The following AGT variants were observed in gnomAD, a reference collection of about 807,000 sequenced individuals.
AGT encodes alpha-1 antiproteinase, antitrypsin.
Under a neutral mutation model 28.1 loss-of-function variants are expected in AGT, and 26 were observed. The ratio of observed to expected loss-of-function variants is 0.92; its 90% CI spans 0.68 to 1.28. AGT has a LOEUF of 1.28. Among genes scored for constraint, AGT ranks in the 50% most tolerant of loss-of-function variants. The pLI is 0.00. For missense variants in AGT, 596 were observed against 592.3 expected (o/e 1.01, Z -0.06); for synonymous variants, 259 against 259.6 (o/e 1.00, Z 0.02).
At chr1:230,726,953 A>G (rs994438054) in intron 1 of AGT, among the ~76,000 whole-genome samples, 3 of 152,198 alleles carry the variant, frequency 2.0e-5, no homozygotes, top group Admixed American at 1.3e-4. Context: ...CGAATAAAGA[A>G]TTTGGATAAA....
Position 230,704,236 on chromosome 1 carries a change from A to G in AGT, c.1199T>C (p.Leu400Pro), listed in dbSNP as rs199817559. Residue 400 changes from leucine to proline, a missense_variant, in exon 4 of 5, where the codon CTG becomes CCG. Transcript: ENST00000366667. ...GTCATTGCTCAATTTTTGCAGGTTCAGCTCGGTGTGCAGAATGGCGGGCAG... is the reference window on the plus strand; with the variant it reads ...GTCATTGCTCAATTTTTGCAGGTTCGGCTCGGTGTGCAGAATGGCGGGCAG... ...AELPAILHTE[L>P]NLQKLSNDRI... The G allele has an allele frequency of 3.1e-6, 5 of 1,614,254 alleles. No individual in the cohort carries two copies. The African/African-American group carries it at 6.7e-5, about 22-fold the overall frequency.
rs148883389 is a variant in AGT, at chr1:230,707,331, G to C, written c.830-1131C>G. ...CTGCGGTTGTTCTTAGGAGAATAGGGTGAAGTTGTGTATAAGTTTGTCACA... is the reference window on the plus strand; with the variant it reads ...CTGCGGTTGTTCTTAGGAGAATAGGCTGAAGTTGTGTATAAGTTTGTCACA... On this transcript the variant is annotated intron_variant, in intron 2 of 4. Coordinates refer to ENST00000366667, the MANE Select transcript of AGT (RefSeq NM_001384479.1). 4.6e-5 allele frequency among the ~76,000 whole-genome samples: 7 copies of C among 152,350 alleles called. No homozygotes were observed. In the East Asian group the frequency reaches 9.6e-4, roughly 21 times the overall value.
At chr1:230,730,436 C>G (rs151301319) in intron 1 of AGT, among the ~76,000 whole-genome samples, 102 of 152,232 alleles carry the variant, frequency 6.7e-4, no homozygotes, top group African/African-American at 2.0e-3. Flanking sequence ...TGCGGCCATG[C>G]TCCTGCTTCT....
chr1:230,741,591 C>T (rs955436908), intron 1 of AGT, among the ~76,000 whole-genome samples: 7 of 152,272 alleles, frequency 4.6e-5, no homozygotes, highest in African/African-American at 1.7e-4. Context: ...GAATGAGTGC[C>T]CACTAGGACA....
chr1:230,726,700 C>A (rs1571984576), intron 1 of AGT, among the ~76,000 whole-genome samples: 1 of 152,306 alleles, frequency 6.6e-6, no homozygotes, highest in East Asian at 1.9e-4. Context: ...CCTTTCCAAG[C>A]ATCTCTCCTC....
chr1:230,708,650 G>A (rs541755383), intron 2 of AGT, among the ~76,000 whole-genome samples: 134 of 152,206 alleles, frequency 8.8e-4, no homozygotes, highest in African/African-American at 2.9e-3. Flanking sequence ...TGTCCCTCAC[G>A]AGGTTAACAT....
At chr1:230,729,944 G>A (rs1664021212) in intron 1 of AGT, among the ~76,000 whole-genome samples, 1 of 151,824 alleles carries the variant, frequency 6.6e-6, no homozygotes, top group Non-Finnish European at 1.5e-5. Flanking sequence ...GGTGGATCAC[G>A]AGGTCAGGAG....
intron 1 of AGT, among the ~76,000 whole-genome samples, chr1:230,734,082 T>C (rs146624980): frequency 6.6e-6 from 1 of 152,294 alleles, no homozygotes; most frequent in East Asian, 1.9e-4. Flanking sequence ...CCCTGGCACA[T>C]ACTGGAGTTT....
rs190366871 is a variant in AGT, at chr1:230,730,380, C to T, written c.-31+15135G>A. Among the ~76,000 whole-genome samples, 3 of 152,174 alleles carry T rather than the reference C, an allele frequency of 2.0e-5. No homozygotes were observed. In the East Asian group the frequency reaches 5.8e-4, roughly 30 times the overall value. Reference sequence around the variant, plus strand: ...TGAGGCAGGGTACCCAGCCAGGATACCCTATATTTTAACCCCCTCACCTCT... The same window carrying T: ...TGAGGCAGGGTACCCAGCCAGGATATCCTATATTTTAACCCCCTCACCTCT... On this transcript the variant is annotated intron_variant, in intron 1 of 4. Coordinates refer to the AGT transcript ENST00000681269.
At chr1:230,704,358 T>A (rs1320763820) in intron 3 of AGT, 21 bp from the exon 4 acceptor site, 1 of 1,613,478 alleles carries the variant, frequency 6.2e-7, no homozygotes, top group South Asian at 1.1e-5. Flanking sequence ...GATGCACAGT[T>A]AGGAAGGCTC....
intron 4 of AGT, 55 bp downstream of exon 4, chr1:230,704,138 C>T: frequency 6.2e-7 from 1 of 1,613,742 alleles, no homozygotes; most frequent in Non-Finnish European, 8.5e-7. Context: ...TCCATGCCTC[C>T]CACCCTGTGC....
intron 1 of AGT, among the ~76,000 whole-genome samples, chr1:230,733,517 C>G (rs1664103046): frequency 6.6e-6 from 1 of 152,118 alleles, no homozygotes; most frequent in African/African-American, 2.4e-5. Flanking sequence ...CGACAAATCA[C>G]TAAGTGATTT....
intron 1 of AGT, among the ~76,000 whole-genome samples, chr1:230,713,196 T>C (rs933065246): frequency 3.9e-5 from 6 of 152,226 alleles, no homozygotes; most frequent in African/African-American, 1.4e-4. Flanking sequence ...CTGTTTGCTC[T>C]GATGTGAATG....
chr1:230,737,394 C>T (rs974063007), intron 1 of AGT, among the ~76,000 whole-genome samples: 7 of 152,130 alleles, frequency 4.6e-5, no homozygotes, highest in African/African-American at 1.7e-4. Flanking sequence ...TCACTGCAAC[C>T]TCTGCCTCCC....
chr1:230,720,253 T>G (rs935919689), intron 1 of AGT, among the ~76,000 whole-genome samples: 2 of 152,308 alleles, frequency 1.3e-5, no homozygotes, highest in East Asian at 3.9e-4. Context: ...GCTAGTTTTA[T>G]CTCACAAGCA....
At chr1:230,732,389 C>T (rs1664084830) in intron 1 of AGT, among the ~76,000 whole-genome samples, 1 of 152,138 alleles carries the variant, frequency 6.6e-6, no homozygotes, top group Non-Finnish European at 1.5e-5. Context: ...TCACAACTCT[C>T]TGTGCCCACC....
Position 230,710,580 on chromosome 1 carries a change from C to T in AGT, c.244G>A (p.Val82Ile). The change falls in exon 2 of 5, where the codon GTC becomes ATC. Residue 82 changes from valine to isoleucine, a missense_variant. Physicochemically the swap from Val to Ile is conservative, Grantham distance 29. Transcript: ENST00000366667. The stretch of plus-strand genomic sequence containing the variant: ...TCTTCGGTGTCAAGTTTTGCAGCGA[C>T]TAGCACCAGCTGGTCCTGTAGGGCC... ...EKALQDQLVLVAAKLDTEDKL... is the reference protein window; with the variant it reads ...EKALQDQLVLIAAKLDTEDKL... The T allele has an allele frequency of 6.2e-7, 1 of 1,614,272 alleles. No homozygotes were observed. The highest frequency in any genetic ancestry group is 8.5e-7 in the Non-Finnish European group (1 of 1,180,052).
intron 1 of AGT, among the ~76,000 whole-genome samples, chr1:230,731,739 C>T (rs543026020): frequency 6.2e-4 from 94 of 152,258 alleles, no homozygotes; most frequent in Non-Finnish European, 4.9e-4. Context: ...TGGTGGCACA[C>T]ACCTGTAATC....
At chr1:230,743,878 G>A (rs559230480) in intron 1 of AGT, among the ~76,000 whole-genome samples, 8 of 152,220 alleles carry the variant, frequency 5.3e-5, no homozygotes, top group African/African-American at 1.4e-4. Context: ...AAGGGAGTTC[G>A]CCACAGGCCT....
Sources: gnomAD v4.1 joint callset for allele counts (sites outside exome capture counted in the v4.1 genomes callset) on GRCh38, gnomAD v4.1.1 for gene constraint, MANE v1.5 for transcripts, NCBI Gene and HGNC (gene_info 2026-07-23, HGNC 2026-07-21) for gene names.